The following DNAH9 variants were observed in gnomAD, a reference collection of about 807,000 sequenced individuals.
The protein encoded by DNAH9 is DNAH9 variant protein.
A neutral mutation model predicts 471.6 loss-of-function variants in DNAH9; 345 were observed. The ratio of observed to expected loss-of-function variants is 0.73; its 90% confidence interval spans 0.67 to 0.80. The LOEUF is 0.80. Among genes scored for constraint, DNAH9 ranks in the 30% least tolerant of loss-of-function variants. The pLI, the probability that DNAH9 is intolerant of heterozygous loss-of-function variation, is 0.00. For synonymous variants in DNAH9, 2,093 were observed against 2,123.6 expected, an observed-to-expected ratio of 0.99 and a Z score of 0.40; for missense variants, 5,407 against 5,609.2, an observed-to-expected ratio of 0.96 and a Z score of 1.15.
rs141347398 is a variant in DNAH9 at position 11,636,252 on chromosome 17, C to T, written c.1636-382C>T. Among the ~76,000 whole-genome samples the T allele has an allele frequency of 4.8e-3, 724 of 152,292 alleles. 20 individuals carry two copies. Among genetic ancestry groups the T allele is most frequent in the Admixed American group, 0.037 (565 of 15,300 alleles). On this transcript the variant is annotated intron_variant, in intron 8 of 68. Transcript: ENST00000262442. The stretch of plus-strand genomic sequence containing the variant: ...AACTCCTGACCTCGTGATCCACCCA[C>T]CTGGGCCTCCCAAAGTGCTGAAATT...
At chr17:11,677,988 A>G (rs1329555272) in intron 17 of DNAH9, among the ~76,000 whole-genome samples, 1 of 138,454 alleles carries the variant, frequency 7.2e-6, no homozygotes, top group African/African-American at 2.7e-5. Flanking sequence ...TCTATTATTT[A>G]TTTAAGCCCC....
At chr17:11,917,479 C>T (rs1973995078) in intron 61 of DNAH9, among the ~76,000 whole-genome samples, 1 of 152,084 alleles carries the variant, frequency 6.6e-6, no homozygotes, top group South Asian at 2.1e-4. Flanking sequence ...AACACGAAAG[C>T]TACCACCATC....
At chr17:11,756,916 C>T (rs1047078099) in intron 34 of DNAH9, among the ~76,000 whole-genome samples, 3 of 152,174 alleles carry the variant, frequency 2.0e-5, no homozygotes, top group Non-Finnish European at 4.4e-5. Context: ...CTAGCCTCCA[C>T]GTCAATGGAG....
intron 51 of DNAH9, among the ~76,000 whole-genome samples, chr17:11,869,807 A>G (rs1322044645): frequency 1.3e-5 from 2 of 152,228 alleles, no homozygotes; most frequent in Non-Finnish European, 2.9e-5. Context: ...AAATTACTCC[A>G]AAGCTTAGTG....
intron 1 of DNAH9, among the ~76,000 whole-genome samples, chr17:11,604,591 A>G (rs2072459218): frequency 6.6e-6 from 1 of 152,164 alleles, no homozygotes; most frequent in South Asian, 2.1e-4. Context: ...AAGCTCCTGT[A>G]TCTTCTCTGA....
At chr17:11,906,529 A>G (rs1973603950) in intron 61 of DNAH9, among the ~76,000 whole-genome samples, 1 of 151,352 alleles carries the variant, frequency 6.6e-6, no homozygotes, top group Admixed American at 6.6e-5. Flanking sequence ...CGGGAAGCTG[A>G]GGCAGGAGAA....
intron 35 of DNAH9, among the ~76,000 whole-genome samples, chr17:11,761,724 ACC>A (rs1967677121): frequency 6.6e-6 from 1 of 151,974 alleles, no homozygotes; most frequent in Non-Finnish European, 1.5e-5. Flanking sequence ...AGAGTCCTTC[ACC>A]AACTCGGAGT....
intron 57 of DNAH9, among the ~76,000 whole-genome samples, chr17:11,890,700 G>A (rs1973020883): frequency 6.6e-6 from 1 of 151,994 alleles, no homozygotes; most frequent in Non-Finnish European, 1.5e-5. Flanking sequence ...GTTTTGTGTT[G>A]TTTTGTTTTG....
intron 28 of DNAH9, among the ~76,000 whole-genome samples, chr17:11,728,708 G>T (rs549946979): frequency 3.9e-5 from 6 of 152,148 alleles, no homozygotes; most frequent in Non-Finnish European, 8.8e-5. Context: ...GAGGGTGAAG[G>T]GGGGGAACGT....
rs59777369 is a variant in DNAH9 at position 11,730,581 on chromosome 17, G to A, written c.5814+2659G>A. On this transcript the variant is annotated intron_variant, in intron 28 of 68. Transcript: ENST00000262442. The stretch of plus-strand genomic sequence containing the variant: ...CCACTTACTAGCTGTGTGACCTTGA[G>A]CATATCCATGTCTCAAGGTCCACAT... Among the ~76,000 whole-genome samples, 466 of 152,274 alleles carry A rather than the reference G, an allele frequency of 3.1e-3. 1 individual carries two copies. The highest frequency in any genetic ancestry group is 9.6e-3 in the African/African-American group (398 of 41,556).
At chr17:11,682,354 C>A (rs2074148001) in intron 19 of DNAH9, among the ~76,000 whole-genome samples, 1 of 152,080 alleles carries the variant, frequency 6.6e-6, no homozygotes, top group Non-Finnish European at 1.5e-5. Context: ...TGGGTTCAAG[C>A]AATCCTCTCA....
intron 59 of DNAH9, among the ~76,000 whole-genome samples, chr17:11,900,157 G>C (rs1441086903): frequency 6.6e-6 from 1 of 150,806 alleles, no homozygotes; most frequent in African/African-American, 2.4e-5. Context: ...GCTCAAAAGT[G>C]GTGGTGCTGG....
At position 11,862,919 on chromosome 17, in the gene DNAH9, G is replaced by A. The variant is rs532814241; in HGVS notation, c.9934-6215G>A. Among the ~76,000 whole-genome samples the A allele has an allele frequency of 1.2e-4, 18 of 151,656 alleles. No homozygotes were observed. In the South Asian group the frequency reaches 3.8e-3, roughly 32 times the overall value. On this transcript the variant is annotated intron_variant, in intron 50 of 68. Transcript: ENST00000262442. ...TGCTTATCAGCTTAAGGAGATTTTG[G>A]GCTGAGACAATGGGGTTTTCTAGAT...
chr17:11,838,462 G>A (rs561712814), intron 49 of DNAH9, among the ~76,000 whole-genome samples: 17 of 152,260 alleles, frequency 1.1e-4, no homozygotes, highest in Admixed American at 8.5e-4. Flanking sequence ...GGCCAGGTAG[G>A]AAATAGGGAA....
At chr17:11,841,310 A>G (rs555293755) in intron 49 of DNAH9, among the ~76,000 whole-genome samples, 18 of 152,338 alleles carry the variant, frequency 1.2e-4, no homozygotes, top group Non-Finnish European at 2.4e-4. Context: ...AATGTGGTCC[A>G]TGCTTTTTCC....
chr17:11,693,783 T>C, intron 20 of DNAH9, 85 bp from the exon 21 acceptor site: 1 of 1,452,912 alleles, frequency 6.9e-7, no homozygotes, highest in South Asian at 1.2e-5. Context: ...CAGGAACAAG[T>C]TTCTGCTTCT....
intron 61 of DNAH9, among the ~76,000 whole-genome samples, chr17:11,917,507 T>A (rs1973995749): frequency 1.3e-5 from 2 of 152,178 alleles, no homozygotes; most frequent in African/African-American, 4.8e-5. Flanking sequence ...ACTGTTTTCC[T>A]TCTTGCCTTC....
intron 6 of DNAH9, among the ~76,000 whole-genome samples, chr17:11,620,661 A>G (rs909140579): frequency 6.6e-6 from 1 of 152,182 alleles, no homozygotes; most frequent in Non-Finnish European, 1.5e-5. Flanking sequence ...AACTAGTTCA[A>G]TTGGTTTGCA....
Position 11,725,216 on chromosome 17 carries a change from G to A in DNAH9, c.5710-2602G>A, listed in dbSNP as rs142569574. Among the ~76,000 whole-genome samples, 228 of 152,278 alleles carry A rather than the reference G, an allele frequency of 1.5e-3. 2 individuals are homozygous for A. Among genetic ancestry groups the A allele is most frequent in the Admixed American group, 3.6e-3 (55 of 15,290 alleles). On this transcript the variant is annotated intron_variant, in intron 27 of 68. Coordinates refer to ENST00000262442, the MANE Select transcript of DNAH9 (RefSeq NM_001372.4). ...CCATGGACAGTTGCCCAGAGGCTGG[G>A]GACCCCTGATTTAAGGTACACAAAC...
Sources: allele counts gnomAD v4.1 joint callset (sites outside exome capture counted in the v4.1 genomes callset), GRCh38; gene constraint gnomAD v4.1.1; transcripts MANE v1.5; gene names NCBI Gene and HGNC (gene_info 2026-07-23, HGNC 2026-07-21).